PIGL: variants seen among roughly 807,000 people sequenced by gnomAD.
The protein encoded by PIGL is N-acetylglucosaminyl-phosphatidylinositol de-N-acetylase.
Under a neutral mutation model 31.1 loss-of-function variants are expected in PIGL, and 22 were observed. That is an observed-to-expected ratio of 0.71 (90% CI 0.51 to 1.01). The LOEUF (loss-of-function observed/expected upper bound fraction) is 1.01. Ranked by LOEUF, PIGL falls within the 50% of genes least tolerant of loss-of-function variation. The pLI is 0.00. For missense variants in PIGL, 302 were observed against 315.9 expected (o/e 0.96, Z 0.33); for synonymous variants, 131 against 117.4 (o/e 1.12, Z -0.75).
At position 16,262,659 on chromosome 17, in the gene PIGL, T is replaced by A. The variant is rs183336438; in HGVS notation, c.335+28589T>A. Among the ~76,000 whole-genome samples, 301 of 152,128 alleles carry A rather than the reference T, an allele frequency of 2.0e-3. 3 individuals are homozygous for A. Among genetic ancestry groups the A allele is most frequent in the Non-Finnish European group, 1.6e-3 (111 of 67,976 alleles). The stretch of plus-strand genomic sequence containing the variant: ...AGTGAAACCCCATCTCTAAAAAAAA[T>A]AAAAATTAAAAATAAACATAGAATT... On this transcript the variant is annotated intron_variant, in intron 2 of 6. Coordinates refer to ENST00000225609, the MANE Select transcript of PIGL (RefSeq NM_004278.4).
intron 2 of PIGL, among the ~76,000 whole-genome samples, chr17:16,288,254 T>G (rs150689724): frequency 6.6e-6 from 1 of 152,338 alleles, no homozygotes; most frequent in Non-Finnish European, 1.5e-5. Context: ...TTGCCCAGGT[T>G]GGAGTACAGT....
chr17:16,237,805 C>CA (rs57265734), intron 2 of PIGL, among the ~76,000 whole-genome samples: 51,211 of 101,930 alleles, frequency 0.5, 11,699 homozygotes, highest in Middle Eastern at 0.61. Flanking sequence ...GTCTCAAAAG[C>CA]AAAAAAAAAA....
chr17:16,320,460 AGGAGG>A, intron 6 of PIGL, among the ~76,000 whole-genome samples: 2 of 54,376 alleles, frequency 3.7e-5, no homozygotes, highest in African/African-American at 1.8e-4. Context: ...AAGGGAGGGA[AGGAGG>A]GAAGGAAGGG....
chr17:16,277,758 C>A (rs2092901690), intron 2 of PIGL, among the ~76,000 whole-genome samples: 1 of 152,122 alleles, frequency 6.6e-6, no homozygotes, highest in African/African-American at 2.4e-5. Flanking sequence ...CCGTGGGTGA[C>A]AAAACACCTT....
At chr17:16,322,188 G>C (rs1215783652) in intron 6 of PIGL, among the ~76,000 whole-genome samples, 1 of 152,072 alleles carries the variant, frequency 6.6e-6, no homozygotes, top group Non-Finnish European at 1.5e-5. Context: ...CCACCTCCTG[G>C]GTTCAAGCAA....
At chr17:16,254,614 G>T (rs1042722735) in intron 2 of PIGL, among the ~76,000 whole-genome samples, 3 of 146,968 alleles carry the variant, frequency 2.0e-5, no homozygotes, top group Non-Finnish European at 4.5e-5. Flanking sequence ...TTTTTGTTTT[G>T]TTTTTTTTGA....
chr17:16,228,063 T>G (rs1015972473), intron 1 of PIGL, among the ~76,000 whole-genome samples: 5 of 150,582 alleles, frequency 3.3e-5, no homozygotes, highest in Non-Finnish European at 7.4e-5. Context: ...TTTTTTTTTT[T>G]TTTTTGAGAT....
intron 3 of PIGL, among the ~76,000 whole-genome samples, chr17:16,312,110 G>C (rs759228552): frequency 2.1e-5 from 3 of 144,180 alleles, no homozygotes; most frequent in African/African-American, 2.7e-5. Flanking sequence ...CCCTCCCGGA[G>C]GGGGCGGCTG....
chr17:16,220,644 C>T (rs908911287), intron 1 of PIGL, among the ~76,000 whole-genome samples: 1 of 151,812 alleles, frequency 6.6e-6, no homozygotes, highest in South Asian at 2.1e-4. Flanking sequence ...TTCACCGCCA[C>T]GCCCAGCCAA....
chr17:16,234,811 G>A lies in PIGL; in HGVS notation c.335+741G>A, dbSNP rs550621880. Among the ~76,000 whole-genome samples the A allele has an allele frequency of 1.1e-4, 16 of 152,240 alleles. No individual in the cohort carries two copies. The South Asian group carries it at 1.7e-3, about 16-fold the overall frequency. ...TTCACATTTGTTTTTAAATGACAGC[G>A]TGATTGAAATAAATTTTTTAACTTC... is the stretch of plus-strand genomic sequence containing the variant. On this transcript the variant is annotated intron_variant, in intron 2 of 6. Transcript: ENST00000225609.
At chr17:16,291,442 G>C (rs1303121183) in intron 2 of PIGL, among the ~76,000 whole-genome samples, 1 of 148,884 alleles carries the variant, frequency 6.7e-6, no homozygotes, top group Non-Finnish European at 1.5e-5. Flanking sequence ...AGGAGATGAA[G>C]TTTGCAGTGA....
rs999148436 is a variant in PIGL, at chr17:16,264,493, A to G, written c.335+30423A>G. Among the ~76,000 whole-genome samples, 13 of 152,218 alleles carry G rather than the reference A, an allele frequency of 8.5e-5. No individual in the cohort carries two copies. The East Asian group carries it at 1.5e-3, about 18-fold the overall frequency. On this transcript the variant is annotated intron_variant, in intron 2 of 6. Coordinates refer to ENST00000225609, the MANE Select transcript of PIGL (RefSeq NM_004278.4). ...CAGAAACAGATTAGCTGCTCTAGAA[A>G]ATAACTGCCTAGCTCTTTGAAATGC...
chr17:16,233,204 A>G (rs1406901311), intron 1 of PIGL, among the ~76,000 whole-genome samples: 1 of 152,154 alleles, frequency 6.6e-6, no homozygotes. Flanking sequence ...ACCTGCAATT[A>G]TTTATTGGAG....
chr17:16,246,021 C>T (rs1796784580), intron 2 of PIGL, among the ~76,000 whole-genome samples: 1 of 149,198 alleles, frequency 6.7e-6, no homozygotes, highest in Non-Finnish European at 1.5e-5. Flanking sequence ...GACGGGGTTT[C>T]ACCATGTTAG....
intron 2 of PIGL, among the ~76,000 whole-genome samples, chr17:16,260,329 T>C (rs2092814056): frequency 6.6e-6 from 1 of 151,974 alleles, no homozygotes; most frequent in African/African-American, 2.4e-5. Context: ...TGGACTGGAG[T>C]GAGAACTTAT....
chr17:16,240,656 T>G (rs1460180689), intron 2 of PIGL, among the ~76,000 whole-genome samples: 4 of 151,180 alleles, frequency 2.6e-5, no homozygotes, highest in Non-Finnish European at 5.9e-5. Flanking sequence ...ATGCACCACC[T>G]TGCCAGCTAC....
intron 1 of PIGL, 166 bp downstream of exon 1, chr17:16,217,627 T>TC: frequency 2.1e-4 from 112 of 522,670 alleles, no homozygotes; most frequent in South Asian, 7.4e-4. Context: ...AGCGGCCGGC[T>TC]TACCTGGTGG....
intron 2 of PIGL, among the ~76,000 whole-genome samples, chr17:16,257,298 T>C (rs1295539646): frequency 6.6e-6 from 1 of 151,954 alleles, no homozygotes; most frequent in Non-Finnish European, 1.5e-5. Context: ...GCGCCTGTAA[T>C]CCCAGCTACT....
At chr17:16,263,241 T>C (rs1350579881) in intron 2 of PIGL, among the ~76,000 whole-genome samples, 4 of 151,878 alleles carry the variant, frequency 2.6e-5, no homozygotes, top group Non-Finnish European at 5.9e-5. Context: ...TGCAGTGGCT[T>C]AGTCACAGCT....
Sources: allele counts gnomAD v4.1 joint callset (sites outside exome capture counted in the v4.1 genomes callset), GRCh38; gene constraint gnomAD v4.1.1; transcripts MANE v1.5; gene names NCBI Gene and HGNC (gene_info 2026-07-23, HGNC 2026-07-21).